Variants in STEAP1B observed in about 807,000 individuals in gnomAD.
The protein encoded by STEAP1B is STEAP family protein MGC87042.
In STEAP1B, 13 loss-of-function variants were observed where a neutral mutation model predicts 27.9. The ratio of observed to expected loss-of-function variants is 0.47; its 90% CI spans 0.30 to 0.74. The LOEUF is 0.74. STEAP1B is among the 30% of genes least tolerant of loss of function. The pLI, the probability that STEAP1B is intolerant of heterozygous loss-of-function variation, is 0.06. For synonymous variants in STEAP1B, 86 were observed against 107.1 expected (o/e 0.80, Z 1.22); for missense variants, 250 against 298.7 (o/e 0.84, Z 1.20).
At chr7:22,448,787 A>G (rs1432198745) in intron 4 of STEAP1B, among the ~76,000 whole-genome samples, 2 of 152,154 alleles carry the variant, frequency 1.3e-5, no homozygotes, top group Non-Finnish European at 2.9e-5. Flanking sequence ...GAAGTCTGGG[A>G]TATGGAAATT....
At chr7:22,469,686 A>G (rs948817341) in intron 4 of STEAP1B, among the ~76,000 whole-genome samples, 27 of 152,218 alleles carry the variant, frequency 1.8e-4, no homozygotes, top group Non-Finnish European at 1.0e-4. Flanking sequence ...TAGGAGCACT[A>G]GGCTTGCAGA....
At chr7:22,452,444 C>T (rs983971524) in intron 4 of STEAP1B, among the ~76,000 whole-genome samples, 1 of 152,014 alleles carries the variant, frequency 6.6e-6, no homozygotes, top group African/African-American at 2.4e-5. Context: ...CGCCATACAC[C>T]AAACCCAAAC....
intron 4 of STEAP1B, among the ~76,000 whole-genome samples, chr7:22,422,809 T>A (rs563641214): frequency 1.3e-5 from 2 of 152,320 alleles, no homozygotes; most frequent in Admixed American, 6.5e-5. Context: ...TCAAAAAGAT[T>A]TGAAGCAGTC....
chr7:22,430,275 C>T (rs75755845), intron 4 of STEAP1B, among the ~76,000 whole-genome samples: 204 of 152,274 alleles, frequency 1.3e-3, no homozygotes, highest in African/African-American at 4.6e-3. Flanking sequence ...AATGTTCTCA[C>T]AGGATTTTGT....
chr7:22,463,594 G>A (rs1785717676), intron 4 of STEAP1B, among the ~76,000 whole-genome samples: 1 of 152,136 alleles, frequency 6.6e-6, no homozygotes, highest in African/African-American at 2.4e-5. Flanking sequence ...CATGGTACTG[G>A]TACCAAAACA....
chr7:22,440,465 G>T (rs1785316525), intron 4 of STEAP1B, among the ~76,000 whole-genome samples: 1 of 151,942 alleles, frequency 6.6e-6, no homozygotes, highest in Non-Finnish European at 1.5e-5. Context: ...GATAAATGGG[G>T]GCCAAATACA....
At chr7:22,486,693 T>C (rs1786214983) in intron 4 of STEAP1B, among the ~76,000 whole-genome samples, 3 of 152,052 alleles carry the variant, frequency 2.0e-5, no homozygotes, top group Admixed American at 2.0e-4. Context: ...CCTGCCCACC[T>C]TTCACCCTGC....
rs569050091 is a variant in STEAP1B at position 22,479,679 on chromosome 7, C to CTTTTTTTTTTTT, written c.762+12874_762+12885dup. On this transcript the variant is annotated intron_variant, in intron 4 of 4. Coordinates refer to ENST00000678116, the MANE Select transcript of STEAP1B (RefSeq NM_001382447.1). ...GACAGTAGCCACTAGTCATGTGTGG[C>CTTTTTTTTTTTT]TTTTTTTTTTTTTTTTTTTTTCTGA... Among the ~76,000 whole-genome samples, 7 of 92,116 alleles carry CTTTTTTTTTTTT rather than the reference C, an allele frequency of 7.6e-5. 1 individual carries two copies. The highest frequency in any genetic ancestry group is 3.3e-4 in the African/African-American group (7 of 21,318). 60.4% of individuals were successfully genotyped at this position (92,116 alleles called of 152,430 possible).
chr7:22,468,805 T>A (rs1389229700), intron 4 of STEAP1B, among the ~76,000 whole-genome samples: 1 of 152,334 alleles, frequency 6.6e-6, no homozygotes, highest in South Asian at 2.1e-4. Context: ...TCTTGTGACG[T>A]CATAGCCATT....
At chr7:22,466,678 CCAAA>C (rs1243078016) in intron 4 of STEAP1B, among the ~76,000 whole-genome samples, 15 of 152,138 alleles carry the variant, frequency 9.9e-5, no homozygotes, top group Non-Finnish European at 1.6e-4. Flanking sequence ...ACTCACTTGT[CCAAA>C]CAATTGTTAA....
chr7:22,440,230 A>G (rs768517257), intron 4 of STEAP1B, among the ~76,000 whole-genome samples: 1 of 152,186 alleles, frequency 6.6e-6, no homozygotes, highest in Non-Finnish European at 1.5e-5. Flanking sequence ...GCTCAGAGGT[A>G]TATGCTACCT....
chr7:22,440,754 T>C (rs1378571387), intron 4 of STEAP1B, among the ~76,000 whole-genome samples: 5 of 151,922 alleles, frequency 3.3e-5, no homozygotes, highest in African/African-American at 1.2e-4. Flanking sequence ...ATTTAAAAAA[T>C]AGAAAAATTA....
chr7:22,487,066 G>C (rs566598616), intron 4 of STEAP1B, among the ~76,000 whole-genome samples: 1 of 152,300 alleles, frequency 6.6e-6, no homozygotes, highest in African/African-American at 2.4e-5. Flanking sequence ...AGGGTGAAAA[G>C]CCTTCTTGGT....
intron 4 of STEAP1B, among the ~76,000 whole-genome samples, chr7:22,482,653 G>C (rs1786103043): frequency 6.6e-6 from 1 of 152,212 alleles, no homozygotes; most frequent in Non-Finnish European, 1.5e-5. Flanking sequence ...GGCAGATGCT[G>C]TTCATGGGCA....
At chr7:22,470,291 C>G (rs1041007939) in intron 4 of STEAP1B, among the ~76,000 whole-genome samples, 1 of 152,046 alleles carries the variant, frequency 6.6e-6, no homozygotes, top group African/African-American at 2.4e-5. Context: ...TGAAAGCATC[C>G]CCAAAGGCCA....
At chr7:22,488,183 C>G (rs1401856838) in intron 4 of STEAP1B, among the ~76,000 whole-genome samples, 1 of 152,220 alleles carries the variant, frequency 6.6e-6, no homozygotes, top group Non-Finnish European at 1.5e-5. Context: ...GGAGCAACTG[C>G]CCCATCCACA....
At chr7:22,440,482 G>A (rs759761187) in intron 4 of STEAP1B, among the ~76,000 whole-genome samples, 1 of 152,080 alleles carries the variant, frequency 6.6e-6, no homozygotes, top group Non-Finnish European at 1.5e-5. Flanking sequence ...TACATACCCT[G>A]TAAAGTTATT....
intron 4 of STEAP1B, among the ~76,000 whole-genome samples, chr7:22,478,118 G>C (rs1378653063): frequency 6.6e-6 from 1 of 152,168 alleles, no homozygotes; most frequent in Non-Finnish European, 1.5e-5. Context: ...GGCCCAGACA[G>C]GTCCCTGCTG....
At chr7:22,425,784 T>C (rs1252810375) in intron 4 of STEAP1B, among the ~76,000 whole-genome samples, 1 of 152,232 alleles carries the variant, frequency 6.6e-6, no homozygotes, top group Non-Finnish European at 1.5e-5. Flanking sequence ...GCAGAAATCC[T>C]TAAGAAAATA....
Sources: allele counts gnomAD v4.1 joint callset (sites outside exome capture counted in the v4.1 genomes callset), GRCh38; gene constraint gnomAD v4.1.1; transcripts MANE v1.5; gene names NCBI Gene and HGNC (gene_info 2026-07-23, HGNC 2026-07-21).